Variants in XXYLT1 observed in about 807,000 individuals in gnomAD.
XXYLT1 encodes the protein UDP-xylose:alpha-xyloside alpha-1,3-xylosyltransferase.
Under a neutral mutation model 28.9 loss-of-function variants are expected in XXYLT1, and 20 were observed. The ratio of observed to expected loss-of-function variants is 0.69; its 90% CI spans 0.49 to 1.00. XXYLT1 has a LOEUF of 1.00. Among genes scored for constraint, XXYLT1 ranks in the 50% least tolerant of loss-of-function variants. The probability of loss-of-function intolerance (pLI) is 0.00; values close to 1 mark genes in which losing one functional copy is unlikely to be tolerated. For synonymous variants in XXYLT1, 257 were observed against 253.8 expected, an observed-to-expected ratio of 1.01 and a Z score of -0.12; for missense variants, 542 against 560.1, an observed-to-expected ratio of 0.97 and a Z score of 0.33.
At chr3:195,085,129 G>T (rs1307799058) in intron 3 of XXYLT1, among the ~76,000 whole-genome samples, 1 of 152,196 alleles carries the variant, frequency 6.6e-6, no homozygotes, top group African/African-American at 2.4e-5. Flanking sequence ...CCTTGCACGA[G>T]GTCAAGTAGG....
chr3:195,159,947 C>T (rs1230758474), intron 2 of XXYLT1, among the ~76,000 whole-genome samples: 1 of 152,154 alleles, frequency 6.6e-6, no homozygotes, highest in Non-Finnish European at 1.5e-5. Flanking sequence ...TTCTCCATTT[C>T]CCTCCCAGGA....
Position 195,270,540 on chromosome 3 carries a change from C to T in XXYLT1, c.504+15G>A. 1 of 1,374,602 alleles carries T rather than the reference C, an allele frequency of 7.3e-7. No homozygotes were observed. Among genetic ancestry groups the T allele is most frequent in the Non-Finnish European group, 9.4e-7 (1 of 1,067,414 alleles). 85.2% of individuals were successfully genotyped at this position (1,374,602 alleles called of 1,614,324 possible). ...TGGGCCACCCACCGGGAGCCCCCAG[C>T]CGCGGCCCGCTCACCTTGCACTTGA... On this transcript the variant is annotated intron_variant, in intron 1 of 3. Coordinates refer to ENST00000310380, the MANE Select transcript of XXYLT1 (RefSeq NM_152531.5).
intron 1 of XXYLT1, among the ~76,000 whole-genome samples, chr3:195,253,107 C>A (rs1192364225): frequency 6.6e-6 from 1 of 152,138 alleles, no homozygotes; most frequent in Non-Finnish European, 1.5e-5. Context: ...GGCACTGCAC[C>A]CCAGCTGCCC....
intron 2 of XXYLT1, among the ~76,000 whole-genome samples, chr3:195,161,218 C>G (rs2108691571): frequency 6.6e-6 from 1 of 152,314 alleles, no homozygotes; most frequent in Non-Finnish European, 1.5e-5. Flanking sequence ...GAACCTGATG[C>G]TCAGAGACTT....
At chr3:195,138,559 T>C (rs1248474375) in intron 3 of XXYLT1, among the ~76,000 whole-genome samples, 1 of 152,026 alleles carries the variant, frequency 6.6e-6, no homozygotes, top group African/African-American at 2.4e-5. Flanking sequence ...GCAGGGCATA[T>C]AGAAAAGTGG....
chr3:195,158,367 G>C lies in XXYLT1; in HGVS notation c.653-1786C>G, dbSNP rs575222186. Among the ~76,000 whole-genome samples the C allele has an allele frequency of 2.6e-5, 4 of 152,292 alleles. No individual in the cohort carries two copies. In the South Asian group the frequency reaches 6.2e-4, roughly 24 times the overall value. The stretch of plus-strand genomic sequence containing the variant: ...CTTGAGAATGGGAATATGCTGGGAG[G>C]GCGGGGCTCAGGACCATCAGACGCT... On this transcript the variant is annotated intron_variant, in intron 2 of 3. Coordinates refer to ENST00000310380, the MANE Select transcript of XXYLT1 (RefSeq NM_152531.5).
intron 1 of XXYLT1, among the ~76,000 whole-genome samples, chr3:195,266,130 G>A (rs1725842320): frequency 6.6e-6 from 1 of 152,196 alleles, no homozygotes; most frequent in Non-Finnish European, 1.5e-5. Flanking sequence ...TGTGGGTCTA[G>A]GACATTGAAA....
chr3:195,234,122 T>C (rs1724422383), intron 1 of XXYLT1, among the ~76,000 whole-genome samples: 1 of 151,460 alleles, frequency 6.6e-6, no homozygotes, highest in Admixed American at 6.6e-5. Flanking sequence ...TTTCACCATG[T>C]TAGCCAGGAT....
At chr3:195,219,156 G>A (rs1483793407) in intron 2 of XXYLT1, among the ~76,000 whole-genome samples, 1 of 150,204 alleles carries the variant, frequency 6.7e-6, no homozygotes, top group East Asian at 2.0e-4. Flanking sequence ...CACACTCTGG[G>A]GACTGTTGTG....
At chr3:195,268,417 G>A (rs1488571067) in intron 1 of XXYLT1, among the ~76,000 whole-genome samples, 1 of 148,838 alleles carries the variant, frequency 6.7e-6, no homozygotes, top group Non-Finnish European at 1.5e-5. Context: ...GGCGACAAGA[G>A]CAAAACTCTG....
Position 195,168,816 on chromosome 3 carries a change from C to A in XXYLT1, c.653-12235G>T, listed in dbSNP as rs879815126. The stretch of plus-strand genomic sequence containing the variant: ...TCAGGTCCACGGTGGCCTGTAATAA[C>A]CTGCTTAGGGTCACACGGCCAGTGA... On this transcript the variant is annotated intron_variant, in intron 2 of 3. Transcript: ENST00000310380. The surrounding 1 kb of genome is among the most constrained non-coding windows in gnomAD (Gnocchi z 4.3). Among the ~76,000 whole-genome samples the A allele has an allele frequency of 6.6e-6, 1 of 152,222 alleles. No homozygotes were observed. The highest frequency in any genetic ancestry group is 2.4e-5 in the African/African-American group (1 of 41,450).
Position 195,226,827 on chromosome 3 carries a change from C to G in XXYLT1, c.534G>C (p.Thr178=), listed in dbSNP as rs755411864. The change falls in exon 2 of 4, where the codon ACG becomes ACC. Residue 178 remains threonine (T), a synonymous_variant. Transcript: ENST00000310380. ...CCTCCACGATGGGGAAGAGCTTATC[C>G]GTCAGCACAGCAACATCGTGGAAGA... ...KVIFHDVAVL[T]DKLFPIVEAM... 1 of 1,613,718 alleles carries G rather than the reference C, an allele frequency of 6.2e-7. No homozygotes were observed. The highest frequency in any genetic ancestry group is 1.7e-5 in the Admixed American group (1 of 59,960).
intron 2 of XXYLT1, among the ~76,000 whole-genome samples, chr3:195,160,919 A>G (rs1237316653): frequency 6.6e-6 from 1 of 152,224 alleles, no homozygotes; most frequent in East Asian, 1.9e-4. Context: ...TTCTCTGTCA[A>G]AGCGCTCTTC....
chr3:195,184,114 T>C (rs1006619048), intron 2 of XXYLT1, among the ~76,000 whole-genome samples: 20 of 152,198 alleles, frequency 1.3e-4, no homozygotes, highest in African/African-American at 3.9e-4. Flanking sequence ...ATCAGCATCA[T>C]TGAGCTATGA....
intron 3 of XXYLT1, among the ~76,000 whole-genome samples, chr3:195,118,945 G>T (rs1163683424): frequency 6.6e-6 from 1 of 152,150 alleles, no homozygotes; most frequent in East Asian, 1.9e-4. Flanking sequence ...CAGCAGGCAG[G>T]TCACCTCTCT....
chr3:195,187,956 A>C (rs1171438738), intron 2 of XXYLT1, among the ~76,000 whole-genome samples: 1 of 152,156 alleles, frequency 6.6e-6, no homozygotes, highest in Non-Finnish European at 1.5e-5. Flanking sequence ...CCTCTCTCAC[A>C]AAGTCTCTAC....
chr3:195,201,184 TAAG>T (rs375781392), intron 2 of XXYLT1, among the ~76,000 whole-genome samples: 63 of 152,284 alleles, frequency 4.1e-4, no homozygotes, highest in African/African-American at 1.4e-3. Context: ...CAGAATCTTC[TAAG>T]AAGTCACTGG....
At chr3:195,094,453 G>C (rs1716303302) in intron 3 of XXYLT1, 1 of 154,128 alleles carries the variant, frequency 6.5e-6, no homozygotes, top group Non-Finnish European at 1.5e-5. Context: ...CTCGCCCCTT[G>C]TTCTGTCCAG....
At chr3:195,252,515 T>G (rs887843252) in intron 1 of XXYLT1, among the ~76,000 whole-genome samples, 1 of 152,058 alleles carries the variant, frequency 6.6e-6, no homozygotes, top group Non-Finnish European at 1.5e-5. Context: ...TAATATAAAT[T>G]AGCAGGAAAA....
Sources: allele counts gnomAD v4.1 joint callset (sites outside exome capture counted in the v4.1 genomes callset), GRCh38; gene constraint gnomAD v4.1.1; non-coding constraint Gnocchi (gnomAD v3.1); transcripts MANE v1.5; gene names NCBI Gene and HGNC (gene_info 2026-07-23, HGNC 2026-07-21).